PCDHGA9: variants seen among roughly 807,000 people sequenced by gnomAD.
PCDHGA9 encodes the protein protocadherin gamma subfamily A, 9.
Under a neutral mutation model 62.5 loss-of-function variants are expected in PCDHGA9, and 37 were observed. The ratio of observed to expected loss-of-function variants is 0.59; its 90% CI spans 0.46 to 0.78. PCDHGA9 has a LOEUF of 0.78. Ranked by LOEUF, PCDHGA9 falls within the 30% of genes least tolerant of loss-of-function variation. PCDHGA9 has a pLI of 0.00. For missense variants in PCDHGA9, 1,138 were observed against 1,166.2 expected (o/e 0.98, Z 0.35); for synonymous variants, 459 against 484.6 (o/e 0.95, Z 0.69).
intron 2 of PCDHGA9, among the ~76,000 whole-genome samples, chr5:141,500,310 G>A (rs1327269551): frequency 6.6e-6 from 1 of 151,740 alleles, no homozygotes; most frequent in Non-Finnish European, 1.5e-5. Flanking sequence ...CCAGGTTCAC[G>A]CCATGCTCCT....
In PCDHGA9 at chr5:141,431,961, A is replaced by C; in HGVS notation, c.2424+26585A>C. Reference sequence around the variant, plus strand: ...AAATTAGAAAAATCTTACGGAAATTACTATAGTTTAGTCACAGACATAGTC... The same window carrying C: ...AAATTAGAAAAATCTTACGGAAATTCCTATAGTTTAGTCACAGACATAGTC... On this transcript the variant is annotated intron_variant, in intron 1 of 3. Transcript: ENST00000573521. The surrounding 1 kb of genome is among the most constrained non-coding windows in gnomAD (Gnocchi z 4.8). 1 of 1,614,206 alleles carries C rather than the reference A, an allele frequency of 6.2e-7. No homozygotes were observed.
rs377138746 is a variant in PCDHGA9, at chr5:141,432,481, C to A, written c.2424+27105C>A. Reference sequence around the variant, plus strand: ...CCCTCCCCACGGACGGTTCCACTGGCGTGGAGCTGGCTCCCCGCTCCGCAG... The same window carrying A: ...CCCTCCCCACGGACGGTTCCACTGGAGTGGAGCTGGCTCCCCGCTCCGCAG... On this transcript the variant is annotated intron_variant, in intron 1 of 3. Transcript: ENST00000573521. This position sits in a 1 kb window ranked among gnomAD's most constrained non-coding sequence, Gnocchi z 6.0. 6.2e-7 allele frequency: 1 copy of A among 1,614,080 alleles called. No individual in the cohort carries two copies.
intron 1 of PCDHGA9, chr5:141,409,449 C>A (rs1317609642): frequency 6.2e-7 from 1 of 1,613,934 alleles, no homozygotes; most frequent in South Asian, 1.1e-5. Flanking sequence ...GAGCAGACAC[C>A]AGAATACAAT....
At chr5:141,412,198 G>T (rs1248911071) in intron 1 of PCDHGA9, 1 of 152,180 alleles carries the variant, frequency 6.6e-6, no homozygotes, top group African/African-American at 2.4e-5. Flanking sequence ...ATGAAAACAG[G>T]TCATTTGACA....
At chr5:141,509,081 A>G (rs1279221589) in intron 3 of PCDHGA9, among the ~76,000 whole-genome samples, 1 of 152,160 alleles carries the variant, frequency 6.6e-6, no homozygotes, top group African/African-American at 2.4e-5. Flanking sequence ...GATTTGCGAC[A>G]TGAAATGGGG....
intron 1 of PCDHGA9, chr5:141,417,266 T>C (rs2096102700): frequency 6.6e-6 from 1 of 152,184 alleles, no homozygotes; most frequent in Non-Finnish European, 1.5e-5. Context: ...CATAGATAAT[T>C]ACTCTTAAAA....
Position 141,403,219 on chromosome 5 carries a change from G to A in PCDHGA9, c.267G>A (p.Arg89=). ...GCGGCACCTTGGTCACCGCGGGTAG[G>A]ATAGACCGGGAGGAGCTCTGTGCTC... ...PRSGTLVTAG[R]IDREELCAQS... The change falls in exon 1 of 4, where the codon AGG becomes AGA. Residue 89 remains arginine, a synonymous_variant. Coordinates refer to ENST00000573521, the MANE Select transcript of PCDHGA9 (RefSeq NM_018921.3). 1 of 1,613,980 alleles carries A rather than the reference G, an allele frequency of 6.2e-7. No homozygotes were observed. Among genetic ancestry groups the A allele is most frequent in the South Asian group, 1.1e-5 (1 of 91,088 alleles).
At chr5:141,474,133 C>T (rs35162249) in intron 1 of PCDHGA9, among the ~76,000 whole-genome samples, 9,247 of 152,260 alleles carry the variant, frequency 0.061, 334 homozygotes, top group South Asian at 0.12. Flanking sequence ...CAGAAAACTA[C>T]AGGCCTTATT....
chr5:141,431,004 G>A lies in PCDHGA9; in HGVS notation c.2424+25628G>A, dbSNP rs569594120. The A allele has an allele frequency of 6.2e-7, 1 of 1,614,048 alleles. No homozygotes were observed. The highest frequency in any genetic ancestry group is 1.1e-5 in the South Asian group (1 of 91,074). On this transcript the variant is annotated intron_variant, in intron 1 of 3. Coordinates refer to ENST00000573521, the MANE Select transcript of PCDHGA9 (RefSeq NM_018921.3). The surrounding 1 kb of genome is among the most constrained non-coding windows in gnomAD (Gnocchi z 4.8). ...CTTTTCGCCCTGAATCCGCGCAGCG[G>A]CAGCTTGGTCACGGCGGGCAGGATA... is the stretch of plus-strand genomic sequence containing the variant.
In PCDHGA9 at chr5:141,486,128, G is replaced by C. The variant is rs1447222839; in HGVS notation, c.2425-8679G>C. ...TGAGAGTGAGAATTACTATGAATTT[G>C]ATGTGCGGGCTCGCGATGGGGGTTC... is the stretch of plus-strand genomic sequence containing the variant. On this transcript the variant is annotated intron_variant, in intron 1 of 3. Transcript: ENST00000573521. This position sits in a 1 kb window ranked among gnomAD's most constrained non-coding sequence, Gnocchi z 5.0. 6.2e-7 allele frequency: 1 copy of C among 1,614,066 alleles called. No homozygotes were observed. Among genetic ancestry groups the C allele is most frequent in the Non-Finnish European group, 8.5e-7 (1 of 1,180,034 alleles).
intron 2 of PCDHGA9, among the ~76,000 whole-genome samples, chr5:141,500,194 T>G (rs994324188): frequency 2.1e-4 from 31 of 147,918 alleles, no homozygotes; most frequent in African/African-American, 7.7e-4. Context: ...TTTTATTTAT[T>G]TATTTATTTA....
Position 141,432,098 on chromosome 5 carries a change from G to A in PCDHGA9, c.2424+26722G>A. 1.2e-6 allele frequency: 2 copies of A among 1,614,056 alleles called. No homozygotes were observed. Among genetic ancestry groups the A allele is most frequent in the Non-Finnish European group, 1.7e-6 (2 of 1,180,002 alleles). ...CTCGCTGAACGTGGCAGACACCAAC[G>A]ACAACCCGCCGGTCTTCCCTCAGGC... On this transcript the variant is annotated intron_variant, in intron 1 of 3. Transcript: ENST00000573521. The surrounding 1 kb of genome is among the most constrained non-coding windows in gnomAD (Gnocchi z 6.0).
At chr5:141,478,251 T>C in intron 1 of PCDHGA9, 1 of 1,614,072 alleles carries the variant, frequency 6.2e-7, no homozygotes, top group Non-Finnish European at 8.5e-7. Context: ...GTGTTCGGAG[T>C]AATCATATTC....
chr5:141,413,682 C>G, intron 1 of PCDHGA9: 1 of 1,613,798 alleles, frequency 6.2e-7, no homozygotes, highest in South Asian at 1.1e-5. Context: ...TGGGCGTGAA[C>G]TCCCTGCAGA....
intron 1 of PCDHGA9, chr5:141,423,100 G>C (rs2096709499): frequency 6.2e-7 from 1 of 1,613,944 alleles, no homozygotes; most frequent in Non-Finnish European, 8.5e-7. Context: ...GGAGCACACG[G>C]GCGAGGTGCG....
intron 1 of PCDHGA9, chr5:141,420,184 A>G: frequency 5.0e-6 from 8 of 1,613,990 alleles, no homozygotes; most frequent in Non-Finnish European, 6.8e-6. Context: ...ATCATTGTCC[A>G]GCCACACAAG....
At chr5:141,424,300 AAC>A (rs1370166165) in intron 1 of PCDHGA9, 2 of 152,504 alleles carry the variant, frequency 1.3e-5, no homozygotes, top group Non-Finnish European at 2.9e-5. Context: ...TCATCCTATC[AAC>A]ACAGACATAT....
At chr5:141,501,366 T>G (rs1297210978) in intron 2 of PCDHGA9, among the ~76,000 whole-genome samples, 1 of 150,672 alleles carries the variant, frequency 6.6e-6, no homozygotes, top group Non-Finnish European at 1.5e-5. Flanking sequence ...ACCATATTCA[T>G]CATCTCTTAA....
intron 1 of PCDHGA9, among the ~76,000 whole-genome samples, chr5:141,452,276 C>A (rs1160292593): frequency 2.6e-5 from 4 of 152,172 alleles, no homozygotes; most frequent in Admixed American, 6.5e-5. Flanking sequence ...TGAACCCTTT[C>A]TTACTTTCTG....
Sources: allele counts gnomAD v4.1 joint callset (sites outside exome capture counted in the v4.1 genomes callset), GRCh38; gene constraint gnomAD v4.1.1; non-coding constraint Gnocchi (gnomAD v3.1); transcripts MANE v1.5; gene names NCBI Gene and HGNC (gene_info 2026-07-23, HGNC 2026-07-21).